Variants in RHEB observed in about 807,000 individuals in gnomAD.
RHEB encodes the protein GTP-binding protein Rheb.
RHEB carries 2 observed loss-of-function variants against 28.8 expected under a neutral mutation model. The observed-to-expected ratio is 0.07, with a 90% CI of 0.03 to 0.22. RHEB has a LOEUF of 0.22. Ranked by LOEUF, RHEB falls within the 10% of genes least tolerant of loss-of-function variation. The pLI, the probability that RHEB is intolerant of heterozygous loss-of-function variation, is 1.00. For missense variants in RHEB, 76 were observed against 219.9 expected (o/e 0.35, Z 4.14); for synonymous variants, 69 against 77.3 (o/e 0.89, Z 0.56).
intron 1 of RHEB, among the ~76,000 whole-genome samples, chr7:151,506,041 T>C (rs1196490396): frequency 6.6e-6 from 1 of 152,128 alleles, no homozygotes; most frequent in Non-Finnish European, 1.5e-5. Context: ...TTTCATATTT[T>C]GATAAAGGCA....
chr7:151,497,228 T>C (rs1802690161), intron 1 of RHEB, among the ~76,000 whole-genome samples: 1 of 152,220 alleles, frequency 6.6e-6, no homozygotes, highest in Admixed American at 6.5e-5. Flanking sequence ...TTTAGAATAC[T>C]GAGTGGCTTC....
At chr7:151,511,664 C>CT (rs201464253) in intron 1 of RHEB, among the ~76,000 whole-genome samples, 5,928 of 142,710 alleles carry the variant, frequency 0.042, 314 homozygotes, top group African/African-American at 0.13. Flanking sequence ...TGTTAGATTT[C>CT]TTTTTTTTTT....
chr7:151,487,114 G>A (rs997005454), intron 2 of RHEB, among the ~76,000 whole-genome samples: 1 of 152,184 alleles, frequency 6.6e-6, no homozygotes, highest in South Asian at 2.1e-4. Context: ...GACCACCCTG[G>A]GCAACACAGG....
chr7:151,505,387 A>T (rs1350753474), intron 1 of RHEB, among the ~76,000 whole-genome samples: 1 of 152,194 alleles, frequency 6.6e-6, no homozygotes, highest in African/African-American at 2.4e-5. Context: ...AAGATATCCA[A>T]ATTTCCAGTA....
intron 1 of RHEB, among the ~76,000 whole-genome samples, chr7:151,511,639 C>A (rs1802990588): frequency 6.6e-6 from 1 of 151,822 alleles, no homozygotes; most frequent in Admixed American, 6.6e-5. Context: ...AAATAGTATT[C>A]CAGAACCTTT....
chr7:151,501,141 T>C (rs1291204006), intron 1 of RHEB, among the ~76,000 whole-genome samples: 1 of 152,086 alleles, frequency 6.6e-6, no homozygotes, highest in Non-Finnish European at 1.5e-5. Context: ...TTGGACTTCA[T>C]CAAAATTAAA....
At position 151,492,696 on chromosome 7, in the gene RHEB, C is replaced by T. The variant is rs77394317; in HGVS notation, c.53-1682G>A. ...TTGGTAGACCTATTTACTCCTTATC[C>T]GCAGCCCAATACAGTTCAAAATGTC... On this transcript the variant is annotated intron_variant, in intron 1 of 7. Coordinates refer to ENST00000262187, the MANE Select transcript of RHEB (RefSeq NM_005614.4). 6.5e-3 allele frequency among the ~76,000 whole-genome samples: 985 copies of T among 151,986 alleles called. 29 individuals are homozygous for T. In the East Asian group the frequency reaches 0.074, roughly 11 times the overall value.
intron 2 of RHEB, among the ~76,000 whole-genome samples, chr7:151,488,210 T>C (rs1802517678): frequency 6.6e-6 from 1 of 152,236 alleles, no homozygotes; most frequent in South Asian, 2.1e-4. Context: ...GAAGTACACT[T>C]GCATAAGTAG....
At chr7:151,510,197 T>G (rs1802957751) in intron 1 of RHEB, among the ~76,000 whole-genome samples, 1 of 152,144 alleles carries the variant, frequency 6.6e-6, no homozygotes, top group Admixed American at 6.6e-5. Context: ...AAGACAATTC[T>G]CCCACCACCC....
At chr7:151,512,523 A>C (rs1390132866) in intron 1 of RHEB, among the ~76,000 whole-genome samples, 4 of 152,154 alleles carry the variant, frequency 2.6e-5, no homozygotes, top group Non-Finnish European at 5.9e-5. Flanking sequence ...CAGAGGCCAA[A>C]CCAATAGGCA....
intron 1 of RHEB, among the ~76,000 whole-genome samples, chr7:151,511,024 G>T (rs1186521893): frequency 6.6e-6 from 1 of 152,058 alleles, no homozygotes; most frequent in East Asian, 1.9e-4. Context: ...GCTGCAGTGT[G>T]CCGAGATCGC....
chr7:151,519,281 C>G (rs1385257802), intron 1 of RHEB, 179 bp downstream of exon 1: 5 of 313,990 alleles, frequency 1.6e-5, no homozygotes, highest in Non-Finnish European at 2.6e-5. Flanking sequence ...CCTCCACCGG[C>G]GCGGACGCCG....
chr7:151,519,368 G>T (rs1803140128), intron 1 of RHEB, 92 bp downstream of exon 1: 1 of 929,240 alleles, frequency 1.1e-6, no homozygotes, highest in Non-Finnish European at 1.4e-6. Context: ...ACATGGCCGC[G>T]CCGGCTCCAA....
chr7:151,477,655 C>G (rs1400265372), intron 3 of RHEB, among the ~76,000 whole-genome samples: 1 of 152,084 alleles, frequency 6.6e-6, no homozygotes, highest in Admixed American at 6.5e-5. Context: ...GTCTGATGAC[C>G]TTCATAATTT....
intron 1 of RHEB, chr7:151,498,024 G>T: frequency 1.1e-6 from 1 of 927,470 alleles, no homozygotes; most frequent in Non-Finnish European, 1.5e-6. Flanking sequence ...CCACACACTT[G>T]ACCATGAAGA....
At chr7:151,503,130 A>C (rs754616941) in intron 1 of RHEB, 6 of 804,490 alleles carry the variant, frequency 7.5e-6, no homozygotes, top group Non-Finnish European at 1.4e-5. Flanking sequence ...GTCTATGAAA[A>C]TCTGGATATA....
intron 4 of RHEB, among the ~76,000 whole-genome samples, chr7:151,474,105 A>G (rs1290029006): frequency 2.0e-5 from 3 of 152,186 alleles, no homozygotes; most frequent in Middle Eastern, 3.2e-3. Flanking sequence ...GACTGAATGT[A>G]TATTTATGCT....
At chr7:151,497,077 C>T (rs902087653) in intron 1 of RHEB, among the ~76,000 whole-genome samples, 1 of 151,810 alleles carries the variant, frequency 6.6e-6, no homozygotes, top group South Asian at 2.1e-4. Flanking sequence ...TATGAGCCGC[C>T]GCACCCAGCC....
chr7:151,485,694 G>C (rs1802459567), intron 2 of RHEB, among the ~76,000 whole-genome samples: 1 of 152,180 alleles, frequency 6.6e-6, no homozygotes, highest in Non-Finnish European at 1.5e-5. Context: ...AGCTGACACA[G>C]ACAAATGGAA....
Sources: gnomAD v4.1 joint callset for allele counts (sites outside exome capture counted in the v4.1 genomes callset) on GRCh38, gnomAD v4.1.1 for gene constraint, MANE v1.5 for transcripts, NCBI Gene and HGNC (gene_info 2026-07-23, HGNC 2026-07-21) for gene names.